Variants in SYNE1 observed in about 807,000 individuals in gnomAD.
SYNE1 encodes the protein nesprin-1.
SYNE1 carries 616 observed loss-of-function variants against 1,111.0 expected under a neutral mutation model. The observed-to-expected ratio is 0.55, with a 90% CI of 0.52 to 0.59. SYNE1 has a LOEUF of 0.59. Among genes scored for constraint, SYNE1 ranks in the 20% least tolerant of loss-of-function variants. The pLI is 0.00. For synonymous variants in SYNE1, 3,855 were observed against 3,825.8 expected, an observed-to-expected ratio of 1.01 and a Z score of -0.28; for missense variants, 10,006 against 10,417.0, an observed-to-expected ratio of 0.96 and a Z score of 1.72.
intron 76 of SYNE1, 83 bp downstream of exon 76, chr6:152,336,758 T>C: frequency 4.6e-6 from 7 of 1,523,642 alleles, no homozygotes; most frequent in South Asian, 2.2e-5. Flanking sequence ...CTCAGGCATA[T>C]TGAAGTGAAT....
In SYNE1 at chr6:152,551,936, T is replaced by C. The variant is rs138666758; in HGVS notation, c.68-11915A>G. Among the ~76,000 whole-genome samples, 109 of 152,302 alleles carry C rather than the reference T, an allele frequency of 7.2e-4. 1 individual carries two copies. The East Asian group carries it at 0.019, about 27-fold the overall frequency. On this transcript the variant is annotated intron_variant, in intron 3 of 145. Coordinates refer to ENST00000367255, the MANE Select transcript of SYNE1 (RefSeq NM_182961.4). ...CTGTAAAATGTGGCGTCTCCTGCTT[T>C]TGCAAGAAAGCCACCAAAACTATGA...
In SYNE1 at chr6:152,330,101, G is replaced by T. The variant is rs1407776265; in HGVS notation, c.14584C>A (p.Gln4862Lys). The change falls in exon 78 of 146, where the codon CAA becomes AAA. Residue 4862 changes from glutamine to lysine, a missense_variant. By Grantham distance (53) the Gln-to-Lys change is moderately conservative. Transcript: ENST00000367255. ...EKARHQIQSW[Q>K]GELKLLTSAI... Reference sequence around the variant, plus strand: ...GAAGTCAACAGTTTTAACTCCCCTTGCCAGGACTGGATCTGATGCCTGGCT... The same window carrying T: ...GAAGTCAACAGTTTTAACTCCCCTTTCCAGGACTGGATCTGATGCCTGGCT... The T allele has an allele frequency of 6.2e-7, 1 of 1,614,054 alleles. No individual in the cohort carries two copies. The highest frequency in any genetic ancestry group is 1.3e-5 in the African/African-American group (1 of 74,914).
intron 127 of SYNE1, among the ~76,000 whole-genome samples, chr6:152,200,726 T>C (rs1185431911): frequency 6.6e-6 from 1 of 152,176 alleles, no homozygotes; most frequent in East Asian, 1.9e-4. Flanking sequence ...TCATCACAGG[T>C]TCAAAATGCG....
Position 152,233,787 on chromosome 6 carries a change from G to A in SYNE1, c.20706C>T (p.Leu6902=). 6.2e-7 allele frequency: 1 copy of A among 1,614,154 alleles called. No homozygotes were observed. Among genetic ancestry groups the A allele is most frequent in the South Asian group, 1.1e-5 (1 of 91,072 alleles). ...LTNIPAVQEK[L]HQLQMDKLPS... ...AAAGCAATCCTTTCTGTACCTGGTG[G>A]AGCTTCTCCTGGACGGCTGGGATAT... Residue 6902 remains leucine, a synonymous_variant, in exon 112 of 146, where the codon CTC becomes CTT. Coordinates refer to ENST00000367255, the MANE Select transcript of SYNE1 (RefSeq NM_182961.4).
intron 101 of SYNE1, among the ~76,000 whole-genome samples, chr6:152,260,925 T>G (rs557939312): frequency 6.6e-6 from 1 of 152,016 alleles, no homozygotes; most frequent in Non-Finnish European, 1.5e-5. Context: ...GAGGTCCAGT[T>G]CCTAACAGGC....
At chr6:152,392,381 G>A (rs181982456) in intron 51 of SYNE1, among the ~76,000 whole-genome samples, 20 of 152,242 alleles carry the variant, frequency 1.3e-4, no homozygotes, top group East Asian at 1.9e-4. Flanking sequence ...AGGGGAAAAC[G>A]TAAGCACTAT....
At chr6:152,153,880 G>C (rs1198356595) in intron 133 of SYNE1, among the ~76,000 whole-genome samples, 1 of 152,174 alleles carries the variant, frequency 6.6e-6, no homozygotes, top group Non-Finnish European at 1.5e-5. Flanking sequence ...ACAACCCTGA[G>C]ATTTTAAACT....
At chr6:152,153,269 C>T (rs2152928340) in intron 133 of SYNE1, among the ~76,000 whole-genome samples, 1 of 152,288 alleles carries the variant, frequency 6.6e-6, no homozygotes, top group South Asian at 2.1e-4. Flanking sequence ...AAGTTCAGCT[C>T]TGGCCATGAC....
chr6:152,392,867 T>C (rs576899052), intron 51 of SYNE1, among the ~76,000 whole-genome samples: 3 of 152,208 alleles, frequency 2.0e-5, no homozygotes, highest in African/African-American at 7.2e-5. Flanking sequence ...ATTCAATGAG[T>C]CTTAAGCTGA....
intron 70 of SYNE1, 53 bp downstream of exon 70, chr6:152,351,974 A>G (rs1431862265): frequency 2.9e-5 from 45 of 1,559,718 alleles, no homozygotes; most frequent in Non-Finnish European, 3.7e-5. Context: ...CCTCCCTCCC[A>G]TTTGGTCTCT....
chr6:152,512,121 A>G (rs369724619), intron 6 of SYNE1, among the ~76,000 whole-genome samples: 3 of 152,336 alleles, frequency 2.0e-5, no homozygotes, highest in East Asian at 3.9e-4. Context: ...ATGCAAAATC[A>G]TTTCACAAAT....
chr6:152,204,751 A>G (rs1453459489), intron 126 of SYNE1, among the ~76,000 whole-genome samples: 1 of 152,202 alleles, frequency 6.6e-6, no homozygotes, highest in Non-Finnish European at 1.5e-5. Context: ...TAAGGAAATA[A>G]CTTAATGTCA....
Position 152,458,808 on chromosome 6 carries a change from T to A in SYNE1, c.2517A>T (p.Thr839=). 1 of 1,614,104 alleles carries A rather than the reference T, an allele frequency of 6.2e-7. No homozygotes were observed. The highest frequency in any genetic ancestry group is 8.5e-7 in the Non-Finnish European group (1 of 1,179,970). Residue 839 remains threonine, a synonymous_variant, in exon 22 of 146, where the codon ACA becomes ACT. Transcript: ENST00000367255. The part of the protein sequence containing the change: ...DSLGKINEII[T]VLEREAQSSA... ...TCGATTGTGCCTCACGCTCAAGAAC[T>A]GTGATAATTTCATTGATTTTCCCAA...
intron 104 of SYNE1, among the ~76,000 whole-genome samples, chr6:152,250,891 A>C (rs550767881): frequency 1.1e-4 from 17 of 152,346 alleles, no homozygotes; most frequent in Admixed American, 5.2e-4. Context: ...TATATATAAC[A>C]TAACATGGGT....
chr6:152,306,271 A>C (rs950997494), intron 91 of SYNE1, among the ~76,000 whole-genome samples: 8 of 152,170 alleles, frequency 5.3e-5, no homozygotes, highest in African/African-American at 1.9e-4. Flanking sequence ...GGATCACTTG[A>C]GGTCAGGAGT....
At chr6:152,275,095 T>G (rs2093505098) in intron 98 of SYNE1, among the ~76,000 whole-genome samples, 1 of 152,120 alleles carries the variant, frequency 6.6e-6, no homozygotes, top group Admixed American at 6.6e-5. Context: ...TTTGTAGAGA[T>G]GGGGTTTTGC....
intron 29 of SYNE1, among the ~76,000 whole-genome samples, 186 bp from the exon 30 acceptor site, chr6:152,444,764 T>C (rs1274290065): frequency 6.6e-6 from 1 of 152,166 alleles, no homozygotes; most frequent in Non-Finnish European, 1.5e-5. Flanking sequence ...TCCTTTTGTT[T>C]TTTTGTGAGA....
At chr6:152,282,894 G>C (rs1337313088) in intron 96 of SYNE1, among the ~76,000 whole-genome samples, 1 of 151,998 alleles carries the variant, frequency 6.6e-6, no homozygotes, top group Non-Finnish European at 1.5e-5. Context: ...ACTAGAGAGA[G>C]ACTACACACC....
At chr6:152,507,041 A>G (rs2099061701) in intron 8 of SYNE1, among the ~76,000 whole-genome samples, 1 of 152,186 alleles carries the variant, frequency 6.6e-6, no homozygotes, top group East Asian at 1.9e-4. Flanking sequence ...TTGTAAAGTA[A>G]TCTTGAATCT....
Sources: allele counts gnomAD v4.1 joint callset (sites outside exome capture counted in the v4.1 genomes callset), GRCh38; gene constraint gnomAD v4.1.1; transcripts MANE v1.5; gene names NCBI Gene and HGNC (gene_info 2026-07-23, HGNC 2026-07-21).